Variants in VPS53 observed in about 807,000 individuals in gnomAD.
VPS53 encodes vacuolar protein sorting-associated protein 53 homolog.
A neutral mutation model predicts 107.0 loss-of-function variants in VPS53; 70 were observed. That is an observed-to-expected ratio of 0.65 (90% CI 0.54 to 0.80). VPS53 has a LOEUF of 0.80. Among genes scored for constraint, VPS53 ranks in the 30% least tolerant of loss-of-function variants. The probability of loss-of-function intolerance (pLI) is 0.00; values close to 1 mark genes in which losing one functional copy is unlikely to be tolerated. For synonymous variants in VPS53, 409 were observed against 393.3 expected, an observed-to-expected ratio of 1.04 and a Z score of -0.47; for missense variants, 917 against 1,049.4, an observed-to-expected ratio of 0.87 and a Z score of 1.74.
At chr17:533,290 G>A (rs896118387) in intron 18 of VPS53, among the ~76,000 whole-genome samples, 1 of 152,172 alleles carries the variant, frequency 6.6e-6, no homozygotes, top group African/African-American at 2.4e-5. Context: ...TAATTTTTTT[G>A]TAGAGGCAGG....
chr17:572,113 G>T (rs1914160467), intron 13 of VPS53, among the ~76,000 whole-genome samples: 1 of 151,620 alleles, frequency 6.6e-6, no homozygotes, highest in African/African-American at 2.4e-5. Flanking sequence ...CCTCTTCCCG[G>T]CCGCCATCCC....
At chr17:575,531 C>G (rs1310430634) in intron 13 of VPS53, among the ~76,000 whole-genome samples, 2 of 151,604 alleles carry the variant, frequency 1.3e-5, no homozygotes, top group Non-Finnish European at 2.9e-5. Context: ...CCCTCAGAAC[C>G]TAATGTGTTC....
chr17:563,882 A>G (rs1030683342), intron 13 of VPS53, among the ~76,000 whole-genome samples: 4 of 152,236 alleles, frequency 2.6e-5, no homozygotes, highest in African/African-American at 9.6e-5. Flanking sequence ...ATGTGTTATA[A>G]TGGTTTCTTT....
intron 4 of VPS53, among the ~76,000 whole-genome samples, chr17:672,264 G>A (rs16954363): frequency 0.1 from 14,886 of 147,866 alleles, 820 homozygotes; most frequent in East Asian, 0.22. Flanking sequence ...CAGCTGAGAC[G>A]CTATCCTTCT....
At chr17:643,756 GAGGACAACACTCATACTTGGAAATCA>G (rs1312906807) in intron 7 of VPS53, among the ~76,000 whole-genome samples, 100 of 149,386 alleles carry the variant, frequency 6.7e-4, no homozygotes, top group Non-Finnish European at 1.1e-3. Context: ...CTTGGAAAGC[GAGGACAACACTCATACTTGGAAATCA>G]AGGACAACAC....
chr17:519,076 G>GCCGTATCATTAAAAAA lies in VPS53; in HGVS notation c.*51_*52insTTTTTTAATGATACGG. ...GCACAGGAGAGGTTGGGGGCTTCTG[G>GCCGTATCATTAAAAAA]GGAACGGGCGCTGAGGGTCTCCAGC... On this transcript the variant is annotated 3_prime_UTR_variant, in exon 22 of 22. Transcript: ENST00000437048. The surrounding 1 kb of genome is among the most constrained non-coding windows in gnomAD (Gnocchi z 5.0). 2.1e-6 allele frequency: 3 copies of GCCGTATCATTAAAAAA among 1,452,726 alleles called. No homozygotes were observed. Among genetic ancestry groups the GCCGTATCATTAAAAAA allele is most frequent in the Admixed American group, 5.6e-5 (2 of 35,682 alleles). The allele number at this position is 1,452,726 out of a possible 1,614,324, so 90.0% of individuals were successfully genotyped here.
At chr17:530,631 G>A (rs1197358733) in intron 19 of VPS53, among the ~76,000 whole-genome samples, 1 of 152,120 alleles carries the variant, frequency 6.6e-6, no homozygotes. Flanking sequence ...CAACAACAAC[G>A]TGGGATAGAA....
At position 514,484 on chromosome 17, in the gene VPS53, C is replaced by A. The variant is rs1307223445; in HGVS notation, c.*4644G>T. On this transcript the variant is annotated 3_prime_UTR_variant, in exon 22 of 22. Coordinates refer to ENST00000437048, the MANE Select transcript of VPS53 (RefSeq NM_001128159.3). Reference sequence around the variant, plus strand: ...CATTTCCAGCAGGTTATTCTGAGTGCTCTTCCTAGCCAAGGAATCCCATTT... The same window carrying A: ...CATTTCCAGCAGGTTATTCTGAGTGATCTTCCTAGCCAAGGAATCCCATTT... 6.8e-6 allele frequency: 1 copy of A among 146,662 alleles called. No individual in the cohort carries two copies. The highest frequency in any genetic ancestry group is 6.7e-5 in the Admixed American group (1 of 14,826). 9.1% of individuals were successfully genotyped at this position (146,662 alleles called of 1,614,324 possible).
intron 12 of VPS53, among the ~76,000 whole-genome samples, chr17:588,386 A>G (rs1408186947): frequency 1.3e-5 from 2 of 152,166 alleles, no homozygotes; most frequent in Non-Finnish European, 2.9e-5. Flanking sequence ...CTGCTTATAT[A>G]TTTTAATAAA....
intron 12 of VPS53, among the ~76,000 whole-genome samples, chr17:598,151 C>T (rs1283680206): frequency 1.3e-5 from 2 of 152,224 alleles, no homozygotes; most frequent in African/African-American, 2.4e-5. Context: ...TTGGTGGAGA[C>T]GGGGTTTCGC....
At chr17:564,354 T>C (rs60587631) in intron 13 of VPS53, among the ~76,000 whole-genome samples, 9 of 150,932 alleles carry the variant, frequency 6.0e-5, no homozygotes, top group South Asian at 2.1e-4. Context: ...TCCTAACACG[T>C]TGAAACCCCG....
intron 4 of VPS53, among the ~76,000 whole-genome samples, chr17:662,428 G>C (rs563132574): frequency 6.6e-6 from 1 of 152,148 alleles, no homozygotes; most frequent in Non-Finnish European, 1.5e-5. Context: ...AGTGGCTCAC[G>C]CCTGTAATCC....
In VPS53 at chr17:509,079, CAT is replaced by C. The variant is rs1392488294; in HGVS notation, c.*10047_*10048del. ...TCCTGGCTCGCCCCCTTACTAGTCACATAGCAAATCCTGGCTCACCCCTCACT... is the reference window on the plus strand; with the variant it reads ...TCCTGGCTCGCCCCCTTACTAGTCACAGCAAATCCTGGCTCACCCCTCACT... On this transcript the variant is annotated 3_prime_UTR_variant, in exon 22 of 22. Coordinates refer to ENST00000437048, the MANE Select transcript of VPS53 (RefSeq NM_001128159.3). 1.3e-5 allele frequency: 2 copies of C among 151,936 alleles called. No homozygotes were observed. The highest frequency in any genetic ancestry group is 2.9e-5 in the Non-Finnish European group (2 of 68,054). The allele number at this position is 151,936 out of a possible 1,614,324, so 9.4% of individuals were successfully genotyped here.
intron 5 of VPS53, among the ~76,000 whole-genome samples, chr17:660,308 T>A (rs1308548817): frequency 6.6e-6 from 1 of 151,958 alleles, no homozygotes; most frequent in African/African-American, 2.4e-5. Flanking sequence ...GAGGGCTAAA[T>A]TAGAGTGCTG....
chr17:544,417 A>T (rs373916075), intron 17 of VPS53, among the ~76,000 whole-genome samples: 1 of 152,174 alleles, frequency 6.6e-6, no homozygotes. Flanking sequence ...AGGCTCTTCC[A>T]CTTTTAGGCA....
intron 15 of VPS53, among the ~76,000 whole-genome samples, chr17:554,833 T>C (rs1912190270): frequency 1.3e-5 from 2 of 152,238 alleles, no homozygotes; most frequent in Admixed American, 6.5e-5. Context: ...AATACACATA[T>C]TGCCTAAACC....
intron 13 of VPS53, among the ~76,000 whole-genome samples, chr17:585,926 A>G (rs544952429): frequency 3.3e-5 from 5 of 152,276 alleles, no homozygotes; most frequent in South Asian, 2.1e-4. Flanking sequence ...ATACTTGAAA[A>G]CATATATATT....
intron 2 of VPS53, among the ~76,000 whole-genome samples, 156 bp from the exon 3 acceptor site, chr17:699,536 T>C (rs1198880941): frequency 6.6e-6 from 1 of 150,978 alleles, no homozygotes; most frequent in Admixed American, 6.6e-5. Context: ...AGTAAAGCAG[T>C]AGTTGGAAGC....
intron 19 of VPS53, among the ~76,000 whole-genome samples, chr17:529,951 G>A (rs1173783793): frequency 6.6e-6 from 1 of 151,664 alleles, no homozygotes; most frequent in East Asian, 1.9e-4. Flanking sequence ...GCAGGAGGAT[G>A]GCTTGAGCCC....
Sources: gnomAD v4.1 joint callset for allele counts (sites outside exome capture counted in the v4.1 genomes callset) on GRCh38, gnomAD v4.1.1 for gene constraint, Gnocchi (gnomAD v3.1) non-coding constraint, MANE v1.5 for transcripts, NCBI Gene and HGNC (gene_info 2026-07-23, HGNC 2026-07-21) for gene names.